TRIP12: variants seen among roughly 807,000 people sequenced by gnomAD.
TRIP12 encodes the protein E3 ubiquitin-protein ligase TRIP12.
Under a neutral mutation model 244.2 loss-of-function variants are expected in TRIP12, and 25 were observed. The ratio of observed to expected loss-of-function variants is 0.10; its 90% CI spans 0.07 to 0.14. The LOEUF (loss-of-function observed/expected upper bound fraction) is 0.14. Among genes scored for constraint, TRIP12 ranks in the 10% least tolerant of loss-of-function variants. The pLI, the probability that TRIP12 is intolerant of heterozygous loss-of-function variation, is 1.00. For missense variants in TRIP12, 1,677 were observed against 2,486.4 expected, an observed-to-expected ratio of 0.67 and a Z score of 6.92; for synonymous variants, 905 against 873.1, an observed-to-expected ratio of 1.04 and a Z score of -0.64.
chr2:229,882,578 C>A (rs910190757), intron 1 of TRIP12, among the ~76,000 whole-genome samples: 25 of 152,144 alleles, frequency 1.6e-4, no homozygotes, highest in African/African-American at 6.0e-4. Flanking sequence ...TTAGAAATTT[C>A]TCTACTTCAA....
chr2:229,835,578 T>A (rs1475287229), intron 6 of TRIP12, among the ~76,000 whole-genome samples: 2 of 152,196 alleles, frequency 1.3e-5, no homozygotes, highest in Non-Finnish European at 2.9e-5. Flanking sequence ...ACTTAAAAAA[T>A]GGTAATAATA....
intron 34 of TRIP12, 117 bp from the exon 35 acceptor site, chr2:229,779,107 A>G: frequency 1.3e-6 from 1 of 788,492 alleles, no homozygotes; most frequent in Non-Finnish European, 2.1e-6. Flanking sequence ...ATTAGAGATT[A>G]TTTTCCAAAA....
At chr2:229,895,077 TAGG>T (rs1047116029) in intron 1 of TRIP12, among the ~76,000 whole-genome samples, 7 of 152,136 alleles carry the variant, frequency 4.6e-5, no homozygotes, top group African/African-American at 1.4e-4. Context: ...ACATTTCAGA[TAGG>T]AGAATTATCA....
In TRIP12 at chr2:229,860,498, A is replaced by G. The variant is rs2154337125; in HGVS notation, c.132T>C (p.Tyr44=). 1.2e-6 allele frequency: 2 copies of G among 1,611,146 alleles called. No homozygotes were observed. The highest frequency in any genetic ancestry group is 2.2e-5 in the East Asian group (1 of 44,784). Residue 44 remains tyrosine (Y), a synonymous_variant, in exon 3 of 42, where the codon TAT becomes TAC. Coordinates refer to ENST00000675903, the MANE Select transcript of TRIP12 (RefSeq NM_001348323.3). ...TAGATTTTCTACTCTCAGGAGGGCTATATCCCTTATGTTTTGCCTGCCCTA... is the reference window on the plus strand; with the variant it reads ...TAGATTTTCTACTCTCAGGAGGGCTGTATCCCTTATGTTTTGCCTGCCCTA... ...SHLGQAKHKG[Y]SPPESRKSNS...
rs184815084 is a variant in TRIP12 at position 229,920,071 on chromosome 2, G to A, written c.-50+1809C>T. Among the ~76,000 whole-genome samples the A allele has an allele frequency of 4.1e-4, 62 of 152,182 alleles. No individual in the cohort carries two copies. The East Asian group carries it at 7.1e-3, about 18-fold the overall frequency. ...GCTAATTCCATTCCTCAACCCCCCC[G>A]GGGTGTAAATGCGACACACACAGGC... On this transcript the variant is annotated intron_variant, in intron 1 of 41. Transcript: ENST00000675903.
intron 1 of TRIP12, among the ~76,000 whole-genome samples, chr2:229,913,364 C>T (rs1443431088): frequency 6.6e-6 from 1 of 152,132 alleles, no homozygotes; most frequent in South Asian, 2.1e-4. Context: ...TAAATATCAA[C>T]TATATGAAAC....
chr2:229,922,248 T>C, upstream of TRIP12: 1 of 475,828 alleles, frequency 2.1e-6, no homozygotes, highest in Non-Finnish European at 3.8e-6. Flanking sequence ...TGTGGAGATC[T>C]ACTTGGTATC....
intron 22 of TRIP12, 32 bp downstream of exon 22, chr2:229,799,251 T>G: frequency 1.9e-6 from 3 of 1,609,300 alleles, no homozygotes; most frequent in Non-Finnish European, 2.6e-6. Flanking sequence ...ACCCTCCCCT[T>G]TACCTCCCCA....
chr2:229,912,285 G>A (rs1047738028), intron 1 of TRIP12, among the ~76,000 whole-genome samples: 1 of 152,188 alleles, frequency 6.6e-6, no homozygotes, highest in African/African-American at 2.4e-5. Context: ...GGGAAGCACT[G>A]TCATAAAAAA....
intron 4 of TRIP12, among the ~76,000 whole-genome samples, chr2:229,845,923 A>G (rs937050978): frequency 4.6e-5 from 7 of 151,782 alleles, no homozygotes; most frequent in Non-Finnish European, 7.4e-5. Context: ...GATGCTCAGA[A>G]AGCTGAGGAA....
chr2:229,786,184 T>C lies in TRIP12; in HGVS notation c.4996-329A>G, dbSNP rs147821549. ...TCTCAGGGCTGCAGTTTCATGAAAT[T>C]TCCCTGGGTACATTTATATTTAGAT... is the stretch of plus-strand genomic sequence containing the variant. On this transcript the variant is annotated intron_variant, in intron 33 of 41. Transcript: ENST00000675903. Among the ~76,000 whole-genome samples, 149 of 152,264 alleles carry C rather than the reference T, an allele frequency of 9.8e-4. 3 individuals are homozygous for C. The East Asian group carries it at 0.023, about 23-fold the overall frequency.
At chr2:229,828,341 TG>T (rs1264192467) in intron 8 of TRIP12, among the ~76,000 whole-genome samples, 2 of 144,092 alleles carry the variant, frequency 1.4e-5, no homozygotes, top group Non-Finnish European at 3.1e-5. Context: ...AACAGTGATT[TG>T]TTTTTTTTTT....
intron 4 of TRIP12, among the ~76,000 whole-genome samples, chr2:229,855,307 C>T (rs1246206717): frequency 1.3e-5 from 2 of 152,086 alleles, no homozygotes; most frequent in Non-Finnish European, 2.9e-5. Flanking sequence ...ACTTGCTATA[C>T]AAGACCGATG....
chr2:229,876,533 T>C (rs2063609404), intron 2 of TRIP12, among the ~76,000 whole-genome samples: 1 of 152,232 alleles, frequency 6.6e-6, no homozygotes, highest in South Asian at 2.1e-4. Flanking sequence ...CTACATGAAC[T>C]ACAACAAGAT....
chr2:229,917,190 CT>C (rs1435497234), intron 1 of TRIP12, among the ~76,000 whole-genome samples: 3 of 151,870 alleles, frequency 2.0e-5, no homozygotes, highest in Admixed American at 2.0e-4. Context: ...ACCATCCTGG[CT>C]AACAAGGTGA....
chr2:229,864,001 TGAAAGAGAGAGAGA>T (rs202034443), intron 2 of TRIP12, among the ~76,000 whole-genome samples: 1,799 of 113,436 alleles, frequency 0.016, 46 homozygotes, highest in East Asian at 0.048. Flanking sequence ...AAGATTTGGG[TGAAAGAGAGAGAGA>T]GAGAGAGAGA....
intron 20 of TRIP12, among the ~76,000 whole-genome samples, chr2:229,803,023 G>A (rs1434845038): frequency 6.6e-6 from 1 of 152,226 alleles, no homozygotes; most frequent in African/African-American, 2.4e-5. Flanking sequence ...ATGAAGGAGT[G>A]TGACTAAGAA....
intron 20 of TRIP12, 44 bp from the exon 21 acceptor site, chr2:229,802,503 G>GAAGGTTCTACTCCTGAT: frequency 6.8e-7 from 1 of 1,465,564 alleles, no homozygotes; most frequent in Non-Finnish European, 9.4e-7. Flanking sequence ...TTAATCAGGA[G>GAAGGTTCTACTCCTGAT]TAGAACCTTC....
intron 2 of TRIP12, among the ~76,000 whole-genome samples, chr2:229,865,704 A>ATTT (rs2061412412): frequency 6.6e-6 from 1 of 152,164 alleles, no homozygotes; most frequent in Non-Finnish European, 1.5e-5. Flanking sequence ...TAAAAATTAG[A>ATTT]TATTTTATTT....
Sources: gnomAD v4.1 joint callset for allele counts (sites outside exome capture counted in the v4.1 genomes callset) on GRCh38, gnomAD v4.1.1 for gene constraint, MANE v1.5 for transcripts, NCBI Gene and HGNC (gene_info 2026-07-23, HGNC 2026-07-21) for gene names.